Variants in DOCK3 observed in about 807,000 individuals in gnomAD.
DOCK3 encodes dedicator of cytokinesis 3.
In DOCK3, 60 loss-of-function variants were observed where a neutral mutation model predicts 265.6. That is an observed-to-expected ratio of 0.23 (90% confidence interval 0.18 to 0.28). The LOEUF (loss-of-function observed/expected upper bound fraction) is 0.28, where lower values mean the gene tolerates loss of function less well. Among genes scored for constraint, DOCK3 ranks in the 10% least tolerant of loss-of-function variants. The probability of loss-of-function intolerance (pLI) is 1.00; values close to 1 mark genes in which losing one functional copy is unlikely to be tolerated. For missense variants in DOCK3, 1,981 were observed against 2,594.3 expected (o/e 0.76, Z 5.14); for synonymous variants, 881 against 938.0 (o/e 0.94, Z 1.11).
At chr3:51,125,174 A>C (rs938959375) in intron 9 of DOCK3, among the ~76,000 whole-genome samples, 1 of 152,148 alleles carries the variant, frequency 6.6e-6, no homozygotes, top group African/African-American at 2.4e-5. Flanking sequence ...GAGAGTAAAA[A>C]GCAATTTAAC....
chr3:50,887,317 A>C, intron 3 of DOCK3, among the ~76,000 whole-genome samples: 1 of 149,824 alleles, frequency 6.7e-6, no homozygotes, highest in Admixed American at 6.7e-5. Context: ...AACCAGGAAG[A>C]AGTCGAATCC....
intron 1 of DOCK3, among the ~76,000 whole-genome samples, chr3:50,687,100 C>T (rs2034875831): frequency 1.3e-5 from 2 of 151,358 alleles, no homozygotes; most frequent in Non-Finnish European, 2.9e-5. Context: ...ATCCCAGCTA[C>T]TCGGGAGGCT....
At chr3:50,832,949 G>A (rs1204904822) in intron 2 of DOCK3, among the ~76,000 whole-genome samples, 1 of 152,152 alleles carries the variant, frequency 6.6e-6, no homozygotes, top group Admixed American at 6.6e-5. Flanking sequence ...AAAACATTTA[G>A]TAAGCTTATC....
intron 5 of DOCK3, among the ~76,000 whole-genome samples, chr3:50,961,015 A>T (rs554946478): frequency 6.6e-6 from 1 of 152,298 alleles, no homozygotes; most frequent in Non-Finnish European, 1.5e-5. Flanking sequence ...TATGGACTCT[A>T]AATTCTGTTC....
intron 2 of DOCK3, among the ~76,000 whole-genome samples, chr3:50,822,006 A>G (rs993275646): frequency 6.6e-6 from 1 of 152,104 alleles, no homozygotes; most frequent in Non-Finnish European, 1.5e-5. Context: ...TTTTAATTCC[A>G]TATGAATTTT....
intron 1 of DOCK3, among the ~76,000 whole-genome samples, chr3:50,747,549 G>A (rs2039521682): frequency 6.6e-6 from 1 of 152,006 alleles, no homozygotes; most frequent in African/African-American, 2.4e-5. Context: ...TTTTATGTTA[G>A]TTTAAATGGT....
intron 5 of DOCK3, among the ~76,000 whole-genome samples, chr3:51,026,322 T>C (rs2108914798): frequency 6.6e-6 from 1 of 152,222 alleles, no homozygotes; most frequent in South Asian, 2.1e-4. Context: ...ATCTCAGGAA[T>C]AAAGCCCATT....
At chr3:51,095,675 T>C (rs1206232539) in intron 9 of DOCK3, among the ~76,000 whole-genome samples, 2 of 151,696 alleles carry the variant, frequency 1.3e-5, no homozygotes, top group Non-Finnish European at 2.9e-5. Flanking sequence ...TTACCTGTTA[T>C]TTGTTTTAAA....
At chr3:51,154,113 C>A (rs1428615214) in intron 10 of DOCK3, among the ~76,000 whole-genome samples, 1 of 152,164 alleles carries the variant, frequency 6.6e-6, no homozygotes, top group Admixed American at 6.5e-5. Context: ...ATAAAAGCTG[C>A]AGTTATATTT....
At chr3:50,819,801 A>C (rs927090991) in intron 2 of DOCK3, among the ~76,000 whole-genome samples, 1 of 152,160 alleles carries the variant, frequency 6.6e-6, no homozygotes. Context: ...GTCTCTACTA[A>C]AAATACAAAA....
chr3:50,930,819 T>G (rs556313555), intron 4 of DOCK3, among the ~76,000 whole-genome samples: 1 of 152,316 alleles, frequency 6.6e-6, no homozygotes, highest in East Asian at 1.9e-4. Context: ...AACCCAGTGC[T>G]GTCTGTGGGG....
chr3:51,271,394 T>C (rs2080485831), intron 24 of DOCK3, among the ~76,000 whole-genome samples: 1 of 152,146 alleles, frequency 6.6e-6, no homozygotes, highest in Non-Finnish European at 1.5e-5. Context: ...CACTTCCTGG[T>C]TCATAGACAG....
intron 2 of DOCK3, among the ~76,000 whole-genome samples, chr3:50,783,017 T>TTG (rs34798184): frequency 0.063 from 9,255 of 146,830 alleles, 360 homozygotes; most frequent in Middle Eastern, 0.093. Flanking sequence ...GTGTGTATAT[T>TTG]TGTGTGTGTG....
intron 49 of DOCK3, among the ~76,000 whole-genome samples, chr3:51,367,373 C>T (rs1218839000): frequency 6.6e-6 from 1 of 152,008 alleles, no homozygotes; most frequent in East Asian, 1.9e-4. Flanking sequence ...TTCTTTTGAG[C>T]CTATGTGTGT....
intron 21 of DOCK3, among the ~76,000 whole-genome samples, chr3:51,246,014 T>TTCTGCC (rs2078821402): frequency 6.6e-6 from 1 of 152,136 alleles, no homozygotes; most frequent in Non-Finnish European, 1.5e-5. Flanking sequence ...GCCATATAAA[T>TTCTGCC]ATGCAGACCT....
At chr3:50,813,038 A>G (rs2043859497) in intron 2 of DOCK3, among the ~76,000 whole-genome samples, 1 of 152,250 alleles carries the variant, frequency 6.6e-6, no homozygotes, top group Non-Finnish European at 1.5e-5. Context: ...ATGGTAAGAA[A>G]AAAATATACA....
intron 3 of DOCK3, among the ~76,000 whole-genome samples, chr3:50,880,164 C>G (rs554809133): frequency 6.6e-6 from 1 of 152,018 alleles, no homozygotes; most frequent in African/African-American, 2.4e-5. Flanking sequence ...CACTAAATGC[C>G]CACAAGAGAA....
chr3:50,848,573 C>A (rs914578122), intron 3 of DOCK3, among the ~76,000 whole-genome samples: 15 of 152,132 alleles, frequency 9.9e-5, no homozygotes, highest in Non-Finnish European at 1.8e-4. Context: ...ATATGAAATT[C>A]TTGGTTGGAA....
intron 2 of DOCK3, among the ~76,000 whole-genome samples, chr3:50,828,607 G>A (rs142458225): frequency 4.0e-4 from 60 of 151,620 alleles, no homozygotes; most frequent in African/African-American, 1.3e-3. Context: ...GTTTCACCAC[G>A]TTGTCCAGGC....
Sources: gnomAD v4.1 joint callset for allele counts (sites outside exome capture counted in the v4.1 genomes callset) on GRCh38, gnomAD v4.1.1 for gene constraint, MANE v1.5 for transcripts, NCBI Gene and HGNC (gene_info 2026-07-23, HGNC 2026-07-21) for gene names.